Variants in HSF4 observed in about 807,000 individuals in gnomAD.
The protein encoded by HSF4 is heat shock factor protein 4.
In HSF4, 41 loss-of-function variants were observed where a neutral mutation model predicts 52.0. The observed-to-expected ratio is 0.79, with a 90% confidence interval of 0.61 to 1.02. The LOEUF (loss-of-function observed/expected upper bound fraction) is 1.02. HSF4 is among the 50% of genes least tolerant of loss of function. HSF4 has a pLI of 0.00. For missense variants in HSF4, 610 were observed against 651.1 expected (o/e 0.94, Z 0.69); for synonymous variants, 285 against 273.0 (o/e 1.04, Z -0.43).
chr16:67,166,011 G>A lies in HSF4; in HGVS notation c.426G>A (p.Glu142=), dbSNP rs1189095115. 3.9e-6 allele frequency: 6 copies of A among 1,539,186 alleles called. No individual in the cohort carries two copies. In the East Asian group the frequency reaches 7.3e-5, roughly 19 times the overall value. The part of the protein sequence containing the change: ...RPEDLGRLLG[E]VQALRGVQES... ...AGGACCTGGGTCGACTACTGGGCGA[G>A]GTGCAGGCTTTGCGGGGAGTGCAGG... Residue 142 remains glutamate (E), a synonymous_variant, in exon 4 of 13, where the codon GAG becomes GAA. Coordinates refer to ENST00000521374, the MANE Select transcript of HSF4 (RefSeq NM_001374675.1).
At position 67,167,171 on chromosome 16, in the gene HSF4, C is replaced by T. The variant is rs772407962; in HGVS notation, c.678C>T (p.Asn226=). The T allele has an allele frequency of 3.1e-6, 5 of 1,614,232 alleles. No individual in the cohort carries two copies. The highest frequency in any genetic ancestry group is 3.3e-5 in the Admixed American group (2 of 60,034). ...GSSCPTPAKF[N]TCPLPGALLQ... is the part of the protein sequence containing the mutation. ...CATGCCCAACACCTGCCAAGTTCAACACCTGCCCTCTACCTGGTGCCCTTC... is the reference window on the plus strand; with the variant it reads ...CATGCCCAACACCTGCCAAGTTCAATACCTGCCCTCTACCTGGTGCCCTTC... Residue 226 remains asparagine (N), a synonymous_variant, in exon 7 of 13, where the codon AAC becomes AAT. Transcript: ENST00000521374.
chr16:67,166,509 TG>T (rs757301978), intron 5 of HSF4, 48 bp from the exon 6 acceptor site: 7 of 1,604,670 alleles, frequency 4.4e-6, no homozygotes, highest in African/African-American at 1.3e-5. Context: ...AGTGCGGGGG[TG>T]GGGGGGCTGT....
intron 5 of HSF4, 22 bp from the exon 6 acceptor site, chr16:67,166,536 T>C (rs748155702): frequency 2.8e-5 from 45 of 1,613,644 alleles, no homozygotes; most frequent in Non-Finnish European, 3.6e-5. Context: ...AAGTATGAAT[T>C]AAACCTTTGC....
chr16:67,167,512 G>A lies in HSF4; in HGVS notation c.767G>A (p.Arg256Lys). 1 of 1,613,802 alleles carries A rather than the reference G, an allele frequency of 6.2e-7. No individual in the cohort carries two copies. Among genetic ancestry groups the A allele is most frequent in the Non-Finnish European group, 8.5e-7 (1 of 1,180,026 alleles). Residue 256 changes from arginine to lysine, a missense_variant, in exon 8 of 13, where the codon AGG becomes AAG. Transcript: ENST00000521374. ...PETNLGLSPH[R>K]ARGPIISDIP... is the part of the protein sequence containing the mutation. Reference sequence around the variant, plus strand: ...ACAAATTTGGGCCTTAGCCCTCACAGGGCCAGGGGCCCCATCATCTCTGAC... The same window carrying A: ...ACAAATTTGGGCCTTAGCCCTCACAAGGCCAGGGGCCCCATCATCTCTGAC...
In HSF4 at chr16:67,165,847, G is replaced by A. The variant is rs780303478; in HGVS notation, c.360+1G>A. On this transcript the variant is annotated splice_donor_variant, in intron 3 of 12. Transcript: ENST00000521374. LOFTEE classifies it high-confidence loss of function. This position sits in a 1 kb window ranked among gnomAD's most constrained non-coding sequence, Gnocchi z 6.9. ...GCTACTGGAGCGCGTGCGGCGCAAG[G>A]TGGGGGCGGCCTGCGGGAATGAGCA... is the stretch of plus-strand genomic sequence containing the variant. The A allele has an allele frequency of 3.1e-6, 5 of 1,602,650 alleles. No individual in the cohort carries two copies. The highest frequency in any genetic ancestry group is 4.2e-6 in the Non-Finnish European group (5 of 1,178,878).
chr16:67,169,631 G>T lies in HSF4; in HGVS notation c.1325G>T (p.Gly442Val). The stretch of plus-strand genomic sequence containing the variant: ...GTGAGCGCAGTCCCACTTCTCCTAG[G>T]GAAGGACCCCACGCTCGGGGCCCCA... ...AVKGLNSPSPGKDPTLGAPLL... is the reference protein window; with the variant it reads ...AVKGLNSPSPVKDPTLGAPLL... The change falls in exon 13 of 13, where the codon GGG (glycine) becomes GTG (valine). Residue 442 changes from glycine to valine, a missense_variant and splice_region_variant. Coordinates refer to ENST00000521374, the MANE Select transcript of HSF4 (RefSeq NM_001374675.1). The surrounding 1 kb of genome is among the most constrained non-coding windows in gnomAD (Gnocchi z 4.3). 1 of 1,607,050 alleles carries T rather than the reference G, an allele frequency of 6.2e-7. No homozygotes were observed.
chr16:67,165,183 C>T lies in HSF4; in HGVS notation c.123+249C>T. 1 of 595,644 alleles carries T rather than the reference C, an allele frequency of 1.7e-6. No individual in the cohort carries two copies. The highest frequency in any genetic ancestry group is 2.0e-5 in the South Asian group (1 of 48,850). 36.9% of individuals were successfully genotyped at this position (595,644 alleles called of 1,614,324 possible). ...CGAGGCCATTTAGTTCCCACCCTAC[C>T]CCATCCGACAGATGGGAAAACAGAG... On this transcript the variant is annotated intron_variant, in intron 1 of 12. Transcript: ENST00000521374. This position sits in a 1 kb window ranked among gnomAD's most constrained non-coding sequence, Gnocchi z 6.9.
At position 67,166,558 on chromosome 16, in the gene HSF4, C is replaced by T. The variant is rs1425818761; in HGVS notation, c.562C>T (p.Leu188=). 1.2e-6 allele frequency: 2 copies of T among 1,613,942 alleles called. No homozygotes were observed. The highest frequency in any genetic ancestry group is 2.7e-5 in the African/African-American group (2 of 75,016). ...HGQQHRVIGK[L]IQCLFGPLQA... ...AATTAAACCTTTGCTTTCTCTTCAG[C>T]TGATCCAGTGTCTCTTTGGGCCACT... The change falls in exon 6 of 13, where the codon CTG becomes TTG. Residue 188 remains leucine, a splice_region_variant and synonymous_variant. Coordinates refer to ENST00000521374, the MANE Select transcript of HSF4 (RefSeq NM_001374675.1).
At chr16:67,163,952 G>A (rs1484468140), upstream of HSF4, 30 of 1,360,024 alleles carry the variant, frequency 2.2e-5, no homozygotes, top group Non-Finnish European at 2.8e-5. Flanking sequence ...ACCGAGTTGG[G>A]AACTGTGATG....
intron 4 of HSF4, 82 bp from the exon 5 acceptor site, chr16:67,166,238 G>T: frequency 6.9e-7 from 1 of 1,450,868 alleles, no homozygotes; most frequent in South Asian, 1.2e-5. Context: ...TGGTCTCCTG[G>T]GTCCCCAGCC....
rs2145924441 is a variant in HSF4 at position 67,167,847 on chromosome 16, G to C, written c.982G>C (p.Val328Leu). Residue 328 changes from valine (V) to leucine (L), a missense_variant, in exon 9 of 13, where the codon GTG becomes CTG. Val to Leu is a conservative substitution (Grantham distance 32). Transcript: ENST00000521374. The stretch of plus-strand genomic sequence containing the variant: ...AGCCCCCCCGCCACTGCCTGTGGCT[G>C]TGGTGCAGGCCATCCTGGAAGGGAA... ...VTAPPPLPVA[V>L]VQAILEGKGS... 2 of 1,605,290 alleles carry C rather than the reference G, an allele frequency of 1.2e-6. No homozygotes were observed. Among genetic ancestry groups the C allele is most frequent in the Non-Finnish European group, 1.7e-6 (2 of 1,176,640 alleles).
In HSF4 at chr16:67,169,866, T is replaced by C; in HGVS notation, c.*81T>C. On this transcript the variant is annotated 3_prime_UTR_variant, in exon 13 of 13. Transcript: ENST00000521374. The surrounding 1 kb of genome is among the most constrained non-coding windows in gnomAD (Gnocchi z 4.3). ...GCTTCCTGGCGCCCCCTATCGGGGG[T>C]GAGCGAAGCCCCCACTACTAAATGG... 2 of 1,480,840 alleles carry C rather than the reference T, an allele frequency of 1.4e-6. No homozygotes were observed. Among genetic ancestry groups the C allele is most frequent in the South Asian group, 1.1e-5 (1 of 88,528 alleles). 91.7% of individuals were successfully genotyped at this position (1,480,840 alleles called of 1,614,324 possible).
chr16:67,169,180 CA>C lies in HSF4; in HGVS notation c.1254+82del, dbSNP rs2031551093. 4.3e-5 allele frequency: 69 copies of C among 1,605,738 alleles called. No individual in the cohort carries two copies. Among genetic ancestry groups the C allele is most frequent in the Non-Finnish European group, 5.8e-5 (68 of 1,176,380 alleles). ...TGGTCCATAGCTGTTCTCTGTGAGC[CA>C]AAGCCGTGTCTCTAGAAGAATTGTC... On this transcript the variant is annotated intron_variant, in intron 11 of 12. Transcript: ENST00000521374. The surrounding 1 kb of genome is among the most constrained non-coding windows in gnomAD (Gnocchi z 4.3).
chr16:67,167,817 G>A lies in HSF4; in HGVS notation c.952G>A (p.Val318Met), dbSNP rs980640884. Residue 318 changes from valine to methionine, a missense_variant, in exon 9 of 13, where the codon GTG becomes ATG. Physicochemically the swap from Val to Met is conservative, Grantham distance 21 (BLOSUM62 1). Coordinates refer to ENST00000521374, the MANE Select transcript of HSF4 (RefSeq NM_001374675.1). Reference protein sequence around the residue: ...ALAPNECDFCVTAPPPLPVAV... With the variant: ...ALAPNECDFCMTAPPPLPVAV... ...GGCCCCAAACGAGTGTGACTTCTGC[G>A]TGACAGCCCCCCCGCCACTGCCTGT... 24 of 1,594,112 alleles carry A rather than the reference G, an allele frequency of 1.5e-5. No individual in the cohort carries two copies. Among genetic ancestry groups the A allele is most frequent in the Middle Eastern group, 1.7e-4 (1 of 6,030 alleles).
rs377009893 is a variant in HSF4, at chr16:67,166,357, C to A, written c.523C>A (p.Arg175=). 1 of 1,608,122 alleles carries A rather than the reference C, an allele frequency of 6.2e-7. No individual in the cohort carries two copies. Among genetic ancestry groups the A allele is most frequent in the Non-Finnish European group, 8.5e-7 (1 of 1,177,494 alleles). ...EILWREVVTL[R]QSHGQQHRVI... ...CTTGTGGCGGGAGGTGGTGACACTT[C>A]GGCAGAGCCACGGTCAGCAGCACCG... The change falls in exon 5 of 13, where the codon CGG becomes AGG. Residue 175 remains arginine, a synonymous_variant. Coordinates refer to ENST00000521374, the MANE Select transcript of HSF4 (RefSeq NM_001374675.1).
At chr16:67,166,431 C>A (rs765507007) in intron 5 of HSF4, 36 bp downstream of exon 5, 4 of 1,593,838 alleles carry the variant, frequency 2.5e-6, no homozygotes, top group Non-Finnish European at 3.4e-6. Flanking sequence ...CTCCCTCCCA[C>A]TCCTCGACAC....
Position 67,169,087 on chromosome 16 carries a change from A to G in HSF4, c.1240A>G (p.Met414Val). Reference sequence around the variant, plus strand: ...AGAATGGACCCTGATGGACTTGGACATGGAGCTGTCCTTGGTAAGAAGTGG... The same window carrying G: ...AGAATGGACCCTGATGGACTTGGACGTGGAGCTGTCCTTGGTAAGAAGTGG... Reference protein sequence around the residue: ...GREWTLMDLDMELSLMQPLVP... With the variant: ...GREWTLMDLDVELSLMQPLVP... Residue 414 changes from methionine (M) to valine (V), a missense_variant, in exon 11 of 13, where the codon ATG becomes GTG. Coordinates refer to ENST00000521374, the MANE Select transcript of HSF4 (RefSeq NM_001374675.1). The surrounding 1 kb of genome is among the most constrained non-coding windows in gnomAD (Gnocchi z 4.3). The G allele has an allele frequency of 6.2e-7, 1 of 1,613,348 alleles. No homozygotes were observed. The highest frequency in any genetic ancestry group is 8.5e-7 in the Non-Finnish European group (1 of 1,179,990).
At chr16:67,166,471 C>G in intron 5 of HSF4, 76 bp downstream of exon 5, 1 of 1,595,796 alleles carries the variant, frequency 6.3e-7, no homozygotes. Context: ...CCCCGGCGCC[C>G]CTGTTAAGCC....
At chr16:67,164,453 C>G (rs1249174203), upstream of HSF4, 1 of 510,598 alleles carries the variant, frequency 2.0e-6, no homozygotes, top group Non-Finnish European at 3.8e-6. Context: ...CTTGCCCAGC[C>G]CACACCAGGT....
Sources: allele counts gnomAD v4.1 joint callset, GRCh38; gene constraint gnomAD v4.1.1; non-coding constraint Gnocchi (gnomAD v3.1); transcripts MANE v1.5; gene names NCBI Gene and HGNC (gene_info 2026-07-23, HGNC 2026-07-21).